SPATC1L: variants seen among roughly 807,000 people sequenced by gnomAD.
SPATC1L encodes speriolin-like protein.
A neutral mutation model predicts 21.2 loss-of-function variants in SPATC1L; 20 were observed. That is an observed-to-expected ratio of 0.94 (90% CI 0.66 to 1.37). The LOEUF (loss-of-function observed/expected upper bound fraction) is 1.37, where lower values mean the gene tolerates loss of function less well. Ranked by LOEUF, SPATC1L falls within the 40% of genes most tolerant of loss-of-function variation. The pLI, the probability that SPATC1L is intolerant of heterozygous loss-of-function variation, is 0.00. For synonymous variants in SPATC1L, 290 were observed against 234.5 expected (o/e 1.24, Z -2.16); for missense variants, 499 against 478.7 (o/e 1.04, Z -0.40).
At chr21:46,180,169 G>C (rs1447532077) in intron 2 of SPATC1L, among the ~76,000 whole-genome samples, 1 of 152,240 alleles carries the variant, frequency 6.6e-6, no homozygotes, top group Non-Finnish European at 1.5e-5. Context: ...TGCCTGCCTG[G>C]GGCCCCCACA....
chr21:46,173,098 C>A (rs1475313705), intron 2 of SPATC1L, among the ~76,000 whole-genome samples: 1 of 152,154 alleles, frequency 6.6e-6, no homozygotes, highest in Non-Finnish European at 1.5e-5. Context: ...CAGGGACGGC[C>A]GTCCCCCAGG....
Position 46,161,911 on chromosome 21 carries a change from C to A in SPATC1L, c.696+5G>T. On this transcript the variant is annotated splice_donor_5th_base_variant and intron_variant, in intron 4 of 4. Transcript: ENST00000291672. ...TCCTGGCCGCGCCCTCCCCACGGGG[C>A]GCACCTGCTCGATCTTCTCGGGGAT... 1 of 1,604,718 alleles carries A rather than the reference C, an allele frequency of 6.2e-7. No homozygotes were observed. The highest frequency in any genetic ancestry group is 8.5e-7 in the Non-Finnish European group (1 of 1,179,070).
At chr21:46,172,138 A>AGGCCGG in intron 2 of SPATC1L, among the ~76,000 whole-genome samples, 2 of 14,090 alleles carry the variant, frequency 1.4e-4, no homozygotes, top group South Asian at 0.011. Context: ...ACAGAGTGTG[A>AGGCCGG]GGTGGGGGAT....
At chr21:46,171,113 G>A (rs2079586469) in intron 2 of SPATC1L, among the ~76,000 whole-genome samples, 1 of 152,232 alleles carries the variant, frequency 6.6e-6, no homozygotes, top group East Asian at 1.9e-4. Context: ...CCAAGGGGGA[G>A]GGTCCATGCC....
intron 2 of SPATC1L, among the ~76,000 whole-genome samples, chr21:46,180,460 G>A (rs62215183): frequency 0.059 from 8,997 of 152,266 alleles, 377 homozygotes; most frequent in Non-Finnish European, 0.093. Flanking sequence ...TTTACCATGA[G>A]CACGTGTTGT....
rs555111242 is a variant in SPATC1L at position 46,161,361 on chromosome 21, C to G, written c.*18G>C. ...ACAAACGCGTTTACTGCAGGCAAGG[C>G]GGCGGGCGCGGGGCGGCTCACCAGG... On this transcript the variant is annotated 3_prime_UTR_variant, in exon 5 of 5. Coordinates refer to ENST00000291672, the MANE Select transcript of SPATC1L (RefSeq NM_001142854.2). The G allele has an allele frequency of 1.3e-6, 2 of 1,494,614 alleles. No homozygotes were observed. The highest frequency in any genetic ancestry group is 1.8e-4 in the Middle Eastern group (1 of 5,580). The allele number at this position is 1,494,614 out of a possible 1,614,324, so 92.6% of individuals were successfully genotyped here.
chr21:46,182,738 C>G lies in SPATC1L; in HGVS notation c.79G>C (p.Glu27Gln). 1 of 1,548,008 alleles carries G rather than the reference C, an allele frequency of 6.5e-7. No homozygotes were observed. Among genetic ancestry groups the G allele is most frequent in the Non-Finnish European group, 8.7e-7 (1 of 1,146,694 alleles). The change falls in exon 2 of 5, where the codon GAG becomes CAG. Residue 27 changes from glutamate (E) to glutamine (Q), a missense_variant. By Grantham distance (29) the Glu-to-Gln change is conservative. Coordinates refer to ENST00000291672, the MANE Select transcript of SPATC1L (RefSeq NM_001142854.2). ...DLKKQVRLLK[E>Q]NQMLRRLLSQ... Reference sequence around the variant, plus strand: ...AGCAGCCGCCGCAGCATCTGATTCTCCTTCAGGAGGCGCACCTGCTTCTTC... The same window carrying G: ...AGCAGCCGCCGCAGCATCTGATTCTGCTTCAGGAGGCGCACCTGCTTCTTC...
rs1318849997 is a variant in SPATC1L at position 46,168,552 on chromosome 21, G to T, written c.300C>A (p.Asp100Glu). ...LCSHAPLSSE[D>E]DTSPGCAAPS... ...GGGCTGCACAGCCCGGGGAGGTGTC[G>T]TCCTCGCTGGACAGGGGGGCATGTG... Residue 100 changes from aspartate (D) to glutamate (E), a missense_variant, in exon 3 of 5, where the codon GAC becomes GAA. Coordinates refer to ENST00000291672, the MANE Select transcript of SPATC1L (RefSeq NM_001142854.2). The T allele has an allele frequency of 3.3e-6, 5 of 1,503,758 alleles. No homozygotes were observed. The highest frequency in any genetic ancestry group is 4.5e-6 in the Non-Finnish European group (5 of 1,113,010). 93.2% of individuals were successfully genotyped at this position (1,503,758 alleles called of 1,614,324 possible).
intron 2 of SPATC1L, among the ~76,000 whole-genome samples, chr21:46,179,167 A>G (rs1468657313): frequency 6.6e-6 from 1 of 150,984 alleles, no homozygotes; most frequent in Non-Finnish European, 1.5e-5. Flanking sequence ...GGATTGCTTG[A>G]GCCCCAGAGG....
chr21:46,169,475 C>A (rs2079567580), intron 2 of SPATC1L, among the ~76,000 whole-genome samples: 1 of 131,574 alleles, frequency 7.6e-6, no homozygotes, highest in Non-Finnish European at 1.6e-5. Context: ...GAGGAGCCTC[C>A]TGCTCTGTGA....
Position 46,182,631 on chromosome 21 carries a change from C to G in SPATC1L, c.186G>C (p.Gly62=). 1 of 1,512,386 alleles carries G rather than the reference C, an allele frequency of 6.6e-7. No individual in the cohort carries two copies. Among genetic ancestry groups the G allele is most frequent in the South Asian group, 1.2e-5 (1 of 81,642 alleles). The allele number at this position is 1,512,386 out of a possible 1,614,324, so 93.7% of individuals were successfully genotyped here. A position where few individuals can be genotyped will look rare whatever the true frequency, so the allele number is the denominator to read the frequency against. Reference sequence around the variant, plus strand: ...AGCTGGGCGGCGCCTCACCTCCGCTCCCGGGGGAGCCGGCCTCAGGGTAGG... The same window carrying G: ...AGCTGGGCGGCGCCTCACCTCCGCTGCCGGGGGAGCCGGCCTCAGGGTAGG... The part of the protein sequence containing the change: ...AHAYPEAGSP[G]SGVPDFGRFT... The change falls in exon 2 of 5, where the codon GGG becomes GGC. Residue 62 remains glycine, a synonymous_variant. Coordinates refer to ENST00000291672, the MANE Select transcript of SPATC1L (RefSeq NM_001142854.2).
chr21:46,174,556 A>C (rs2037007645), intron 2 of SPATC1L, among the ~76,000 whole-genome samples: 1 of 152,114 alleles, frequency 6.6e-6, no homozygotes, highest in Admixed American at 6.6e-5. Flanking sequence ...AAGATCAAAA[A>C]AGACAAAGAA....
chr21:46,171,549 G>A (rs2839132), intron 2 of SPATC1L, among the ~76,000 whole-genome samples: 41,588 of 151,952 alleles, frequency 0.27, 7,004 homozygotes, highest in African/African-American at 0.46. Context: ...CTCCTGCCAC[G>A]TGGGAGGCCT....
chr21:46,175,537 C>T (rs933999635), intron 2 of SPATC1L, among the ~76,000 whole-genome samples: 16 of 152,110 alleles, frequency 1.1e-4, no homozygotes, highest in Non-Finnish European at 1.6e-4. Flanking sequence ...AACCTCTATA[C>T]ACATAAACTA....
chr21:46,177,865 A>T (rs1242981618), intron 2 of SPATC1L, among the ~76,000 whole-genome samples: 1 of 152,250 alleles, frequency 6.6e-6, no homozygotes, highest in Admixed American at 6.5e-5. Flanking sequence ...GAATCAACTT[A>T]AATGCCCATC....
At chr21:46,181,206 G>T (rs576773930) in intron 2 of SPATC1L, among the ~76,000 whole-genome samples, 1 of 152,220 alleles carries the variant, frequency 6.6e-6, no homozygotes, top group Non-Finnish European at 1.5e-5. Flanking sequence ...TGCTGTGAAC[G>T]GGACCCTGCA....
chr21:46,161,229 G>C lies in SPATC1L; in HGVS notation c.*150C>G. The C allele has an allele frequency of 3.1e-6, 2 of 651,324 alleles. No individual in the cohort carries two copies. The highest frequency in any genetic ancestry group is 3.4e-5 in the East Asian group (1 of 29,214). The allele number at this position is 651,324 out of a possible 1,614,324, so 40.3% of individuals were successfully genotyped here. ...TGCGGGCAGCGGCGGGCTGCGGTCG[G>C]GGCCCAGCACCGGTGGGAGCGGGGC... On this transcript the variant is annotated 3_prime_UTR_variant, in exon 5 of 5. Transcript: ENST00000291672.
intron 2 of SPATC1L, among the ~76,000 whole-genome samples, chr21:46,181,611 C>A (rs892350549): frequency 6.6e-6 from 1 of 152,216 alleles, no homozygotes; most frequent in Non-Finnish European, 1.5e-5. Flanking sequence ...ACTCAGGAAG[C>A]AACCTCCCCC....
At chr21:46,172,916 G>A (rs997694851) in intron 2 of SPATC1L, among the ~76,000 whole-genome samples, 1 of 152,194 alleles carries the variant, frequency 6.6e-6, no homozygotes, top group Non-Finnish European at 1.5e-5. Flanking sequence ...AAATGGGGGA[G>A]TTAAACGGGC....
Sources: allele counts gnomAD v4.1 joint callset (sites outside exome capture counted in the v4.1 genomes callset), GRCh38; gene constraint gnomAD v4.1.1; transcripts MANE v1.5; gene names NCBI Gene and HGNC (gene_info 2026-07-23, HGNC 2026-07-21).